Variants in BRCA1 observed in about 807,000 individuals in gnomAD.
BRCA1 encodes breast cancer type 1 susceptibility protein.
Under a neutral mutation model 173.7 loss-of-function variants are expected in BRCA1, and 140 were observed. That is an observed-to-expected ratio of 0.81 (90% CI 0.70 to 0.93). The LOEUF is 0.93. BRCA1 is among the 40% of genes least tolerant of loss of function. BRCA1 has a pLI of 0.00. For missense variants in BRCA1, 1,983 were observed against 2,172.5 expected, an observed-to-expected ratio of 0.91 and a Z score of 1.73; for synonymous variants, 662 against 756.0, an observed-to-expected ratio of 0.88 and a Z score of 2.04.
rs2055240559 is a variant in BRCA1, at chr17:43,115,716, T to C, written c.134+10A>G. ...CTAATAATGGAGCCACATAACACAT[T>C]CAAACTTACTTGCAAAATATGTGGT... On this transcript the variant is annotated intron_variant, in intron 3 of 22. Transcript: ENST00000357654. 1.2e-6 allele frequency: 2 copies of C among 1,612,570 alleles called. No individual in the cohort carries two copies. The highest frequency in any genetic ancestry group is 1.7e-6 in the Non-Finnish European group (2 of 1,179,064).
At chr17:43,120,826 G>A (rs1334298718) in intron 2 of BRCA1, among the ~76,000 whole-genome samples, 2 of 151,792 alleles carry the variant, frequency 1.3e-5, no homozygotes, top group African/African-American at 2.4e-5. Context: ...CAGCACTTTG[G>A]AAGGCCGAGG....
intron 1 of BRCA1, among the ~76,000 whole-genome samples, chr17:43,157,903 G>A (rs181337881): frequency 6.0e-4 from 91 of 151,828 alleles, no homozygotes; most frequent in Admixed American, 1.4e-3. Flanking sequence ...GGCTGAGGCA[G>A]GAGAATCACT....
In BRCA1 at chr17:43,102,113, C is replaced by T. The variant is rs545752115; in HGVS notation, c.441+2009G>A. On this transcript the variant is annotated intron_variant, in intron 6 of 22. Coordinates refer to ENST00000357654, the MANE Select transcript of BRCA1 (RefSeq NM_007294.4). ...TGAGACAGAGTCTCACTCTGTCGCC[C>T]AGGCTGGATCGCAGTGGCGGGATCT... 5.3e-4 allele frequency among the ~76,000 whole-genome samples: 80 copies of T among 151,824 alleles called. 2 individuals are homozygous for T. The South Asian group carries it at 0.013, about 25-fold the overall frequency.
upstream of BRCA1, among the ~76,000 whole-genome samples, chr17:43,128,641 C>T (rs961833028): frequency 1.3e-5 from 2 of 152,098 alleles, 1 homozygote; most frequent in South Asian, 4.1e-4. Flanking sequence ...TGCTAGGAAA[C>T]GATAACTGGA....
intron 1 of BRCA1, chr17:43,153,641 ACC>A (rs1329031520): frequency 6.6e-6 from 1 of 151,702 alleles, no homozygotes; most frequent in Non-Finnish European, 1.5e-5. Context: ...GGGCTGGTGC[ACC>A]TAAATAATAA....
In BRCA1 at chr17:43,099,811, T is replaced by G. The variant is rs777515082; in HGVS notation, c.511A>C (p.Ile171Leu). 1.2e-6 allele frequency: 2 copies of G among 1,613,592 alleles called. No homozygotes were observed. The highest frequency in any genetic ancestry group is 8.5e-7 in the Non-Finnish European group (1 of 1,179,502). Residue 171 changes from isoleucine (I) to leucine (L), a missense_variant, in exon 7 of 23, where the codon ATA (isoleucine) becomes CTA (leucine). Coordinates refer to ENST00000357654, the MANE Select transcript of BRCA1 (RefSeq NM_007294.4). ...TAGACAGACGTCTTTTGAGGTTGTA[T>G]CCGCTGCTTTGTCCTCAGAGTTCTC... is the stretch of plus-strand genomic sequence containing the variant. Reference protein sequence around the residue: ...TVRTLRTKQRIQPQKTSVYIE... With the variant: ...TVRTLRTKQRLQPQKTSVYIE...
intron 16 of BRCA1, among the ~76,000 whole-genome samples, chr17:43,064,720 C>G (rs550443374): frequency 3.9e-5 from 6 of 152,086 alleles, no homozygotes; most frequent in African/African-American, 1.2e-4. Context: ...GCTACAAAAG[C>G]CGATTTAGTA....
chr17:43,169,705 C>G (rs1016267954), intron 1 of BRCA1, among the ~76,000 whole-genome samples: 1 of 151,982 alleles, frequency 6.6e-6, no homozygotes, highest in Non-Finnish European at 1.5e-5. Context: ...TTCCCCCGCC[C>G]GTCCCCCGGA....
At chr17:43,133,783 C>T (rs1465380371) in intron 1 of BRCA1, among the ~76,000 whole-genome samples, 3 of 152,062 alleles carry the variant, frequency 2.0e-5, no homozygotes, top group African/African-American at 4.8e-5. Flanking sequence ...TACAGGCGCA[C>T]ACCACCACAC....
rs762153716 is a variant in BRCA1 at position 43,090,930 on chromosome 17, C to G, written c.4185+14G>C. On this transcript the variant is annotated intron_variant, in intron 11 of 22. Coordinates refer to ENST00000357654, the MANE Select transcript of BRCA1 (RefSeq NM_007294.4). ...CCACACACACGCATGTGCACACACA[C>G]ACACGCTTTTTACCTGAGTGGTTAA... 3.1e-6 allele frequency: 5 copies of G among 1,602,616 alleles called. No individual in the cohort carries two copies. The highest frequency in any genetic ancestry group is 4.3e-6 in the Non-Finnish European group (5 of 1,173,524).
intron 2 of BRCA1, among the ~76,000 whole-genome samples, chr17:43,123,241 G>T (rs1472228234): frequency 6.6e-6 from 1 of 150,616 alleles, no homozygotes; most frequent in Non-Finnish European, 1.5e-5. Flanking sequence ...AAAAACCTCT[G>T]CATTTCATTG....
intron 15 of BRCA1, 25 bp downstream of exon 15, chr17:43,070,903 G>A (rs1259321900): frequency 4.3e-5 from 70 of 1,612,330 alleles, no homozygotes; most frequent in Non-Finnish European, 5.8e-5. Context: ...TTAGTCATTA[G>A]GGAGATACAT....
At chr17:43,156,832 A>G (rs566874321) in intron 1 of BRCA1, among the ~76,000 whole-genome samples, 7 of 152,360 alleles carry the variant, frequency 4.6e-5, no homozygotes, top group African/African-American at 7.2e-5. Flanking sequence ...TGAAAACTCC[A>G]ATATGTAAAA....
Position 43,063,920 on chromosome 17 carries a change from T to C in BRCA1, c.5106A>G (p.Lys1702=), listed in dbSNP as rs1060504574. 2.5e-6 allele frequency: 4 copies of C among 1,614,118 alleles called. No homozygotes were observed. Among genetic ancestry groups the C allele is most frequent in the Non-Finnish European group, 3.4e-6 (4 of 1,180,008 alleles). ...DAEFVCERTL[K]YFLGIAGGKW... The stretch of plus-strand genomic sequence containing the variant: ...TTCCTCCCGCAATTCCTAGAAAATA[T>C]TTCAGTGTCCGTTCACACACAAACT... Residue 1702 remains lysine, a synonymous_variant, in exon 17 of 23, where the codon AAA becomes AAG. Coordinates refer to ENST00000357654, the MANE Select transcript of BRCA1 (RefSeq NM_007294.4).
chr17:43,054,505 T>C (rs1052005952), intron 19 of BRCA1, among the ~76,000 whole-genome samples: 1 of 152,108 alleles, frequency 6.6e-6, no homozygotes, highest in Admixed American at 6.5e-5. Context: ...AGTAGCACCA[T>C]CATGGCTCAC....
intron 1 of BRCA1, among the ~76,000 whole-genome samples, chr17:43,137,536 G>A (rs1740338332): frequency 1.3e-5 from 2 of 151,932 alleles, no homozygotes; most frequent in Admixed American, 6.6e-5. Flanking sequence ...GCCATTTAAA[G>A]CAGCATACAA....
At chr17:43,151,717 C>T (rs951612480) in intron 1 of BRCA1, among the ~76,000 whole-genome samples, 1 of 152,060 alleles carries the variant, frequency 6.6e-6, no homozygotes, top group African/African-American at 2.4e-5. Context: ...TAGGGAGACC[C>T]CATCTCTACA....
chr17:43,072,641 T>C (rs992756097), intron 14 of BRCA1, among the ~76,000 whole-genome samples: 1 of 151,266 alleles, frequency 6.6e-6, no homozygotes, highest in Non-Finnish European at 1.5e-5. Flanking sequence ...CTCAGCTCAC[T>C]GAAACCTCTG....
chr17:43,159,652 G>C (rs60450897), intron 1 of BRCA1: 64 of 262,392 alleles, frequency 2.4e-4, no homozygotes, highest in South Asian at 2.3e-3. Context: ...CAGCATGCTC[G>C]TTAAGAGTCA....
Sources: allele counts gnomAD v4.1 joint callset (sites outside exome capture counted in the v4.1 genomes callset), GRCh38; gene constraint gnomAD v4.1.1; transcripts MANE v1.5; gene names NCBI Gene and HGNC (gene_info 2026-07-23, HGNC 2026-07-21).